The following TTC39A variants were observed in gnomAD, a reference collection of about 807,000 sequenced individuals.
TTC39A encodes tetratricopeptide repeat protein 39A.
In TTC39A, 46 loss-of-function variants were observed where a neutral mutation model predicts 82.3. The observed-to-expected ratio is 0.56, with a 90% CI of 0.44 to 0.71. The LOEUF is 0.71. Ranked by LOEUF, TTC39A falls within the 30% of genes least tolerant of loss-of-function variation. TTC39A has a pLI of 0.00. For missense variants in TTC39A, 543 were observed against 712.9 expected (o/e 0.76, Z 2.71); for synonymous variants, 254 against 275.2 (o/e 0.92, Z 0.76).
chr1:51,332,549 C>T (rs187761839), upstream of TTC39A, among the ~76,000 whole-genome samples: 9 of 152,340 alleles, frequency 5.9e-5, no homozygotes, highest in East Asian at 1.3e-3. Flanking sequence ...TAAGCCACCG[C>T]GCCCGGCCTG....
chr1:51,303,211 G>T lies in TTC39A; in HGVS notation c.655-19C>A. 2.0e-6 allele frequency: 3 copies of T among 1,489,726 alleles called. No individual in the cohort carries two copies. Among genetic ancestry groups the T allele is most frequent in the East Asian group, 2.4e-5 (1 of 40,920 alleles). 92.3% of individuals were successfully genotyped at this position (1,489,726 alleles called of 1,614,324 possible). On this transcript the variant is annotated intron_variant, in intron 8 of 17. Transcript: ENST00000680483. ...CATAGTCCTGAGGGGATGGGAGGGT[G>T]GGTGAGGCTCCCAGAGAGGGCAGGG...
chr1:51,323,675 T>C (rs984628574), intron 1 of TTC39A, among the ~76,000 whole-genome samples: 1 of 152,216 alleles, frequency 6.6e-6, no homozygotes, highest in Non-Finnish European at 1.5e-5. Flanking sequence ...TTATCCTACC[T>C]ACTGAATTTT....
chr1:51,305,401 T>G, intron 7 of TTC39A: 4 of 407,732 alleles, frequency 9.8e-6, no homozygotes, highest in East Asian at 5.3e-5. Context: ...AGGCTAAATC[T>G]TCCCTGGGAA....
chr1:51,334,660 A>T (rs1645952627), upstream of TTC39A: 1 of 152,436 alleles, frequency 6.6e-6, no homozygotes, highest in Admixed American at 6.5e-5. Context: ...GTCTCAAAAA[A>T]AAAAAAAGAA....
chr1:51,303,001 T>C, intron 9 of TTC39A, 83 bp downstream of exon 9: 1 of 1,255,868 alleles, frequency 8.0e-7, no homozygotes, highest in Non-Finnish European at 1.1e-6. Context: ...CCACAGGGCA[T>C]GAACAGGGTC....
chr1:51,305,209 T>G, intron 7 of TTC39A, 63 bp from the exon 8 acceptor site: 1 of 1,527,834 alleles, frequency 6.5e-7, no homozygotes, highest in Non-Finnish European at 9.1e-7. Context: ...CCACCCCCAC[T>G]GTCCCAAGTC....
At chr1:51,290,155 G>T (rs1282801840) in intron 15 of TTC39A, 36 bp from the exon 16 acceptor site, 5 of 1,589,632 alleles carry the variant, frequency 3.1e-6, no homozygotes, top group Non-Finnish European at 4.3e-6. Flanking sequence ...AGACAGACTT[G>T]TTCATTTCTG....
At chr1:51,313,039 T>C in intron 2 of TTC39A, 96 bp from the exon 3 acceptor site, 2 of 1,512,692 alleles carry the variant, frequency 1.3e-6, no homozygotes, top group Non-Finnish European at 1.8e-6. Flanking sequence ...CATTCTGCAG[T>C]GAGGTGAGGG....
chr1:51,322,905 A>G (rs1192023424), intron 1 of TTC39A, among the ~76,000 whole-genome samples: 1 of 152,212 alleles, frequency 6.6e-6, no homozygotes, highest in Non-Finnish European at 1.5e-5. Flanking sequence ...CCACTCTGAG[A>G]TGCATCAGTA....
chr1:51,330,887 G>A (rs955020842), upstream of TTC39A: 1 of 579,734 alleles, frequency 1.7e-6, no homozygotes, highest in South Asian at 2.0e-5. The surrounding 1 kb of genome is among the most constrained non-coding windows in gnomAD (Gnocchi z 4.5). Flanking sequence ...GCCCCGAAGC[G>A]GCCCCCACCT....
rs1196739023 is a variant in TTC39A, at chr1:51,305,206, C to T, written c.589-60G>A. The T allele has an allele frequency of 2.6e-6, 4 of 1,540,456 alleles. No homozygotes were observed. In the African/African-American group the frequency reaches 4.1e-5, roughly 16 times the overall value. ...ACCCAGAGTGGGCAGGGGCCACCCC[C>T]ACTGTCCCAAGTCTAGCTCTTTAAC... On this transcript the variant is annotated intron_variant, in intron 7 of 17. Coordinates refer to ENST00000680483, the MANE Select transcript of TTC39A (RefSeq NM_001297663.2).
chr1:51,309,568 C>T lies in TTC39A; in HGVS notation c.424-243G>A, dbSNP rs560357346. 112 of 809,004 alleles carry T rather than the reference C, an allele frequency of 1.4e-4. 2 individuals carry two copies. Among genetic ancestry groups the T allele is most frequent in the South Asian group, 8.9e-4 (29 of 32,720 alleles). The allele number at this position is 809,004 out of a possible 1,614,324, so 50.1% of individuals were successfully genotyped here. On this transcript the variant is annotated intron_variant, in intron 5 of 17. Transcript: ENST00000680483. ...CTTGGAGAGAGGCCTGGAGGGGCCA[C>T]GCCCAGTGATTAACAGTATCTCCCT... is the stretch of plus-strand genomic sequence containing the variant.
intron 6 of TTC39A, among the ~76,000 whole-genome samples, chr1:51,307,334 G>A (rs948354050): frequency 6.6e-6 from 1 of 152,100 alleles, no homozygotes; most frequent in South Asian, 2.1e-4. Flanking sequence ...GGCCTCCAAG[G>A]TAACATGATG....
In TTC39A at chr1:51,321,816, C is replaced by T. The variant is rs1291622983; in HGVS notation, c.51G>A (p.Glu17=). The change falls in exon 2 of 18, where the codon GAG becomes GAA. Residue 17 remains glutamate, a synonymous_variant. Transcript: ENST00000680483. The surrounding 1 kb of genome is among the most constrained non-coding windows in gnomAD (Gnocchi z 4.6). ...APGALPAGTP[E]SSLHEALDQC... is the part of the protein sequence containing the mutation. Reference sequence around the variant, plus strand: ...GGTCCAGGGCCTCATGGAGGCTGCTCTCAGGAGTCCTGGGGGAAGAGATGC... The same window carrying T: ...GGTCCAGGGCCTCATGGAGGCTGCTTTCAGGAGTCCTGGGGGAAGAGATGC... 1.2e-6 allele frequency: 2 copies of T among 1,613,270 alleles called. No homozygotes were observed. The highest frequency in any genetic ancestry group is 1.7e-6 in the Non-Finnish European group (2 of 1,179,696).
upstream of TTC39A, chr1:51,330,723 G>A (rs951718440): frequency 1.4e-6 from 1 of 704,838 alleles, no homozygotes; most frequent in Non-Finnish European, 1.8e-6. The surrounding 1 kb of genome is among the most constrained non-coding windows in gnomAD (Gnocchi z 4.5). Context: ...CCCCACCCCC[G>A]CTCCGACAGG....
chr1:51,332,876 CTT>C (rs1195133293), upstream of TTC39A, among the ~76,000 whole-genome samples: 1 of 152,108 alleles, frequency 6.6e-6, no homozygotes, highest in Non-Finnish European at 1.5e-5. Context: ...TGTACACAAA[CTT>C]TGTTTCATGC....
At chr1:51,344,995 G>A in exon 1 of TTC39A, 1 of 1,524,320 alleles carries the variant, frequency 6.6e-7, no homozygotes, top group Non-Finnish European at 8.8e-7. Context: ...CGGTACCTGC[G>A]GTCGCTTTTC....
intron 1 of TTC39A, chr1:51,322,377 C>T: frequency 2.7e-6 from 3 of 1,108,594 alleles, no homozygotes; most frequent in Non-Finnish European, 3.6e-6. Context: ...TCCAGAATAC[C>T]TGAGCCCTTT....
In TTC39A at chr1:51,288,845, G is replaced by T. The variant is rs1265479583; in HGVS notation, c.1604C>A (p.Ser535Tyr). 1 of 1,604,618 alleles carries T rather than the reference G, an allele frequency of 6.2e-7. No individual in the cohort carries two copies. Among genetic ancestry groups the T allele is most frequent in the South Asian group, 1.1e-5 (1 of 88,958 alleles). The change falls in exon 17 of 18, where the codon TCT becomes TAT. Residue 535 changes from serine (S) to tyrosine (Y), a missense_variant. Ser to Tyr is a moderately radical substitution (Grantham distance 144). Coordinates refer to ENST00000680483, the MANE Select transcript of TTC39A (RefSeq NM_001297663.2). The surrounding 1 kb of genome is among the most constrained non-coding windows in gnomAD (Gnocchi z 4.8). ...GAGGTTACCCAAGCCTTACTTGGCA[G>T]ATTCCAAAAGTTTGATGGCCTCTTC... is the stretch of plus-strand genomic sequence containing the variant. Reference protein sequence around the residue: ...RNEEAIKLLESAKQNYKNYSM... With the variant: ...RNEEAIKLLEYAKQNYKNYSM...
Sources: allele counts gnomAD v4.1 joint callset (sites outside exome capture counted in the v4.1 genomes callset), GRCh38; gene constraint gnomAD v4.1.1; non-coding constraint Gnocchi (gnomAD v3.1); transcripts MANE v1.5; gene names NCBI Gene and HGNC (gene_info 2026-07-23, HGNC 2026-07-21).